The following PRORP variants were observed in gnomAD, a reference collection of about 807,000 sequenced individuals.
PRORP encodes the protein protein only RNase P catalytic subunit.
Under a neutral mutation model 59.4 loss-of-function variants are expected in PRORP, and 51 were observed. That is an observed-to-expected ratio of 0.86 (90% CI 0.69 to 1.08). The LOEUF is 1.08. PRORP is among the 50% of genes least tolerant of loss of function. PRORP has a pLI of 0.00. For synonymous variants in PRORP, 231 were observed against 245.6 expected, an observed-to-expected ratio of 0.94 and a Z score of 0.55; for missense variants, 646 against 690.3, an observed-to-expected ratio of 0.94 and a Z score of 0.72.
intron 4 of PRORP, among the ~76,000 whole-genome samples, chr14:35,132,373 G>A (rs1459470992): frequency 5.3e-5 from 8 of 151,958 alleles, no homozygotes; most frequent in Admixed American, 3.9e-4. Flanking sequence ...CAGGAGAATC[G>A]TTTGAACCTG....
At chr14:35,267,317 T>A (rs375104656) in intron 6 of PRORP, among the ~76,000 whole-genome samples, 1 of 152,148 alleles carries the variant, frequency 6.6e-6, no homozygotes, top group Non-Finnish European at 1.5e-5. Context: ...AGGCAGTGAT[T>A]AGTACTATGG....
chr14:35,122,508 C>G (rs997707315), upstream of PRORP: 1 of 155,510 alleles, frequency 6.4e-6, no homozygotes, highest in Non-Finnish European at 1.4e-5. Flanking sequence ...CCGGGTCAGT[C>G]TCGTCCGTCG....
chr14:35,164,477 C>T (rs534636420), intron 4 of PRORP, among the ~76,000 whole-genome samples: 1 of 152,322 alleles, frequency 6.6e-6, no homozygotes, highest in South Asian at 2.1e-4. Flanking sequence ...AAAGTCATGT[C>T]CTTCACAGCA....
intron 4 of PRORP, among the ~76,000 whole-genome samples, chr14:35,152,697 G>T (rs1286579396): frequency 6.7e-6 from 1 of 149,684 alleles, no homozygotes; most frequent in African/African-American, 2.5e-5. Flanking sequence ...GGGCGGAGGG[G>T]CTCCTCACTT....
chr14:35,220,229 A>C (rs1489690802), intron 5 of PRORP, among the ~76,000 whole-genome samples: 4 of 151,984 alleles, frequency 2.6e-5, no homozygotes, highest in African/African-American at 7.3e-5. Context: ...ACTTTACAAC[A>C]CTCCAAACAA....
At chr14:35,146,861 G>A (rs72664849) in intron 4 of PRORP, among the ~76,000 whole-genome samples, 28,078 of 152,068 alleles carry the variant, frequency 0.18, 2,719 homozygotes, top group Middle Eastern at 0.28. Context: ...TGGGGCCCAG[G>A]CAGGAACATT....
At chr14:35,124,998 T>C (rs535821276) in intron 2 of PRORP, among the ~76,000 whole-genome samples, 1 of 151,582 alleles carries the variant, frequency 6.6e-6, no homozygotes, top group South Asian at 2.1e-4. Context: ...GTAGCTGGGA[T>C]TACAGGCATG....
At chr14:35,182,002 A>G (rs113110387) in intron 5 of PRORP, among the ~76,000 whole-genome samples, 28,029 of 151,890 alleles carry the variant, frequency 0.18, 2,839 homozygotes, top group Admixed American at 0.27. Context: ...GGTGGGTCAC[A>G]CCTGTAATCC....
intron 5 of PRORP, among the ~76,000 whole-genome samples, chr14:35,215,098 T>C (rs1225835777): frequency 2.0e-5 from 3 of 152,210 alleles, no homozygotes; most frequent in Non-Finnish European, 4.4e-5. Context: ...CCTCCTTTTA[T>C]GATCTTCGGT....
At chr14:35,140,452 G>GC (rs2047458485) in intron 4 of PRORP, among the ~76,000 whole-genome samples, 1 of 145,398 alleles carries the variant, frequency 6.9e-6, no homozygotes, top group African/African-American at 2.4e-5. Flanking sequence ...ATGTTGTTGA[G>GC]CATCTTTTTA....
chr14:35,125,845 C>T (rs1335907259), intron 2 of PRORP, among the ~76,000 whole-genome samples: 4 of 152,176 alleles, frequency 2.6e-5, no homozygotes, highest in African/African-American at 9.6e-5. Flanking sequence ...ATGGTGAAAC[C>T]CTGTCTCTAC....
intron 5 of PRORP, among the ~76,000 whole-genome samples, chr14:35,219,744 G>GT (rs142752974): frequency 0.12 from 18,436 of 152,140 alleles, 1,423 homozygotes; most frequent in Non-Finnish European, 0.17. Flanking sequence ...ATATTTGCTT[G>GT]TATCAAAATA....
intron 4 of PRORP, among the ~76,000 whole-genome samples, chr14:35,134,772 G>C (rs1227515730): frequency 6.6e-6 from 1 of 152,154 alleles, no homozygotes; most frequent in Non-Finnish European, 1.5e-5. Flanking sequence ...TATGGCACCA[G>C]TACTCCCCTA....
rs1485947949 is a variant in PRORP, at chr14:35,145,728, AGAAAGAAG to A, written c.1167+18121_1167+18128del. 6.2e-5 allele frequency among the ~76,000 whole-genome samples: 7 copies of A among 112,156 alleles called. 2 individuals carry two copies. The highest frequency in any genetic ancestry group is 4.3e-5 in the Non-Finnish European group (2 of 46,832). 73.6% of individuals were successfully genotyped at this position (112,156 alleles called of 152,430 possible). On this transcript the variant is annotated intron_variant, in intron 4 of 7. Coordinates refer to ENST00000534898, the MANE Select transcript of PRORP (RefSeq NM_014672.4). ...AGCGAGACTCCATCTCAAAAAAGAA[AGAAAGAAG>A]GAAGGAAGGAAGGAAGGAAGGAAAC...
intron 5 of PRORP, among the ~76,000 whole-genome samples, chr14:35,196,810 T>C (rs534630730): frequency 5.9e-5 from 9 of 152,296 alleles, no homozygotes; most frequent in African/African-American, 1.9e-4. Context: ...TTAAGAGTTA[T>C]GTTTTGTCAT....
chr14:35,124,983 C>A (rs547074936), intron 2 of PRORP, among the ~76,000 whole-genome samples: 1 of 151,102 alleles, frequency 6.6e-6, no homozygotes, highest in African/African-American at 2.4e-5. Context: ...GCCTCACACT[C>A]CCGAGTAGCT....
intron 4 of PRORP, among the ~76,000 whole-genome samples, chr14:35,170,867 G>A (rs1190044072): frequency 8.1e-6 from 1 of 124,088 alleles, no homozygotes; most frequent in Non-Finnish European, 1.7e-5. Context: ...TTTTTTTTTT[G>A]TGACGGAGTT....
Position 35,196,400 on chromosome 14 carries a change from G to C in PRORP, c.1275+15623G>C, listed in dbSNP as rs184722287. Among the ~76,000 whole-genome samples the C allele has an allele frequency of 1.9e-3, 293 of 152,276 alleles. 1 individual carries two copies. The highest frequency in any genetic ancestry group is 3.1e-3 in the South Asian group (15 of 4,824). On this transcript the variant is annotated intron_variant, in intron 5 of 7. Coordinates refer to ENST00000534898, the MANE Select transcript of PRORP (RefSeq NM_014672.4). Reference sequence around the variant, plus strand: ...TCCCACCAACTCAGGAGGCTGAGGCGGGGGGAGGATCACTTGAGCCCTGGA... The same window carrying C: ...TCCCACCAACTCAGGAGGCTGAGGCCGGGGGAGGATCACTTGAGCCCTGGA...
chr14:35,148,836 C>T (rs1212609520), intron 4 of PRORP, among the ~76,000 whole-genome samples: 1 of 151,102 alleles, frequency 6.6e-6, no homozygotes, highest in East Asian at 1.9e-4. Flanking sequence ...TCACCTTGCA[C>T]TTTTTTTGTT....
Sources: allele counts gnomAD v4.1 joint callset (sites outside exome capture counted in the v4.1 genomes callset), GRCh38; gene constraint gnomAD v4.1.1; transcripts MANE v1.5; gene names NCBI Gene and HGNC (gene_info 2026-07-23, HGNC 2026-07-21).